MBTPS1: variants seen among roughly 807,000 people sequenced by gnomAD.
MBTPS1 encodes the protein membrane-bound transcription factor site-1 protease.
Under a neutral mutation model 127.8 loss-of-function variants are expected in MBTPS1, and 94 were observed. That is an observed-to-expected ratio of 0.74 (90% confidence interval 0.62 to 0.87). The LOEUF (loss-of-function observed/expected upper bound fraction) is 0.87. Among genes scored for constraint, MBTPS1 ranks in the 40% least tolerant of loss-of-function variants. The probability of loss-of-function intolerance (pLI) is 0.00; values close to 1 mark genes in which losing one functional copy is unlikely to be tolerated. For missense variants in MBTPS1, 1,636 were observed against 1,353.2 expected (o/e 1.21, Z -3.28); for synonymous variants, 632 against 509.4 (o/e 1.24, Z -3.24).
intron 19 of MBTPS1, 74 bp from the exon 20 acceptor site, chr16:84,060,887 G>T (rs2085600993): frequency 1.4e-6 from 2 of 1,423,246 alleles, no homozygotes; most frequent in Admixed American, 4.2e-5. Context: ...GTCACCCAGT[G>T]CAGTGGCGCA....
At chr16:84,077,234 G>GAAAAAA (rs1191331764) in intron 11 of MBTPS1, among the ~76,000 whole-genome samples, 8 of 100,274 alleles carry the variant, frequency 8.0e-5, no homozygotes, top group Non-Finnish European at 1.0e-4. Flanking sequence ...CATTAAAAAA[G>GAAAAAA]AAAAAAAAAA....
chr16:84,109,734 T>C (rs1291020021), intron 1 of MBTPS1, among the ~76,000 whole-genome samples: 1 of 152,174 alleles, frequency 6.6e-6, no homozygotes, highest in Non-Finnish European at 1.5e-5. Flanking sequence ...CCAGAGTCAG[T>C]GCAACTCATG....
chr16:84,083,459 T>C lies in MBTPS1; in HGVS notation c.1286+1524A>G, dbSNP rs1401159104. On this transcript the variant is annotated intron_variant, in intron 10 of 22. Transcript: ENST00000343411. ...GAGGAAAGAGATGGATATCTACCCC[T>C]TTTTTTTTTTTGGTAGAGATGAGGT... Among the ~76,000 whole-genome samples, 114 of 131,186 alleles carry C rather than the reference T, an allele frequency of 8.7e-4. 1 individual carries two copies. Among genetic ancestry groups the C allele is most frequent in the Admixed American group, 2.5e-3 (35 of 13,984 alleles). 86.1% of individuals were successfully genotyped at this position (131,186 alleles called of 152,430 possible).
intron 9 of MBTPS1, 105 bp from the exon 10 acceptor site, chr16:84,085,239 C>T (rs2086003407): frequency 8.8e-7 from 1 of 1,134,040 alleles, no homozygotes; most frequent in Non-Finnish European, 1.3e-6. Context: ...TAGTTAAAAA[C>T]TGTATAACCT....
At chr16:84,070,347 G>T (rs2085752097) in intron 13 of MBTPS1, among the ~76,000 whole-genome samples, 2 of 152,180 alleles carry the variant, frequency 1.3e-5, no homozygotes, top group African/African-American at 4.8e-5. Context: ...AAATCTGGTA[G>T]AAAACAGTCT....
chr16:84,090,067 C>T (rs1441780231), intron 8 of MBTPS1, among the ~76,000 whole-genome samples: 1 of 152,186 alleles, frequency 6.6e-6, no homozygotes, highest in African/African-American at 2.4e-5. Flanking sequence ...GGCTAGAGTC[C>T]TATGAATGCC....
intron 1 of MBTPS1, among the ~76,000 whole-genome samples, chr16:84,105,639 G>C (rs1412752842): frequency 6.6e-6 from 1 of 152,204 alleles, no homozygotes. Flanking sequence ...TGAGGAGGGA[G>C]GCAAGGAGGT....
intron 19 of MBTPS1, among the ~76,000 whole-genome samples, chr16:84,062,307 G>C (rs1336488576): frequency 6.6e-6 from 1 of 152,064 alleles, no homozygotes; most frequent in African/African-American, 2.4e-5. Context: ...TTTTAGTAGA[G>C]ACGCGGTTTC....
chr16:84,097,294 G>C (rs993548644), intron 3 of MBTPS1, among the ~76,000 whole-genome samples: 1 of 152,110 alleles, frequency 6.6e-6, no homozygotes, highest in African/African-American at 2.4e-5. Flanking sequence ...ACAACATCTT[G>C]AACACTCTAC....
chr16:84,065,637 A>G lies in MBTPS1; in HGVS notation c.2431+53T>C, dbSNP rs947664996. 1.6e-5 allele frequency: 19 copies of G among 1,157,218 alleles called. 1 individual carries two copies. Among genetic ancestry groups the G allele is most frequent in the Admixed American group, 6.8e-5 (4 of 58,882 alleles). The allele number at this position is 1,157,218 out of a possible 1,614,324, so 71.7% of individuals were successfully genotyped here. ...TGAGAGACAGAGAGAGAAGCGGGGG[A>G]AAAGGGAGCGAGAGAAAGAAGAAGC... On this transcript the variant is annotated intron_variant, in intron 18 of 22. Transcript: ENST00000343411.
rs7205363 is a variant in MBTPS1 at position 84,116,773 on chromosome 16, A to G, written c.-363T>C. 61,656 of 151,950 alleles carry G rather than the reference A, an allele frequency of 0.41. 12,724 individuals are homozygous for G. Among genetic ancestry groups the G allele is most frequent in the East Asian group, 0.68 (3,459 of 5,116 alleles). 9.4% of individuals were successfully genotyped at this position (151,950 alleles called of 1,614,324 possible). A position where few individuals can be genotyped will look rare whatever the true frequency, so the allele number is the denominator to read the frequency against. On this transcript the variant is annotated 5_prime_UTR_variant, in exon 1 of 23. Coordinates refer to ENST00000343411, the MANE Select transcript of MBTPS1 (RefSeq NM_003791.4). ...AGCTCAGGGCCGGCGGGCCCGGGAT[A>G]ACGGCGCCTCCGCGGCGAACACGCC...
chr16:84,085,862 A>G (rs1203342800), intron 9 of MBTPS1: 1 of 152,158 alleles, frequency 6.6e-6, no homozygotes, highest in Non-Finnish European at 1.5e-5. Context: ...ATGTAAAAAA[A>G]CCCAAACATG....
chr16:84,104,045 T>C (rs1467084146), intron 1 of MBTPS1, among the ~76,000 whole-genome samples: 1 of 152,200 alleles, frequency 6.6e-6, no homozygotes, highest in Non-Finnish European at 1.5e-5. Context: ...TTAGTTTCTT[T>C]ATGCTTGATA....
Position 84,093,775 on chromosome 16 carries a change from C to G in MBTPS1, c.672G>C (p.Lys224Asn). 1 of 1,614,026 alleles carries G rather than the reference C, an allele frequency of 6.2e-7. No homozygotes were observed. Among genetic ancestry groups the G allele is most frequent in the South Asian group, 1.1e-5 (1 of 90,976 alleles). Residue 224 changes from lysine (K) to asparagine (N), a missense_variant, in exon 5 of 23, where the codon AAG becomes AAC. Physicochemically the swap from Lys to Asn is moderately conservative, Grantham distance 94. Coordinates refer to ENST00000343411, the MANE Select transcript of MBTPS1 (RefSeq NM_003791.4). ...VAVFDTGLSE[K>N]HPHFKNVKER... ...CCTTCACATTTTTGAAGTGGGGATGCTTCTCGCTCAGCCCAGTGTCAAAAA... is the reference window on the plus strand; with the variant it reads ...CCTTCACATTTTTGAAGTGGGGATGGTTCTCGCTCAGCCCAGTGTCAAAAA...
intron 12 of MBTPS1, among the ~76,000 whole-genome samples, chr16:84,072,658 T>C (rs1425177995): frequency 1.2e-4 from 18 of 151,934 alleles, no homozygotes; most frequent in African/African-American, 3.6e-4. Flanking sequence ...GGCATGGTGG[T>C]GGGCGCCTGT....
chr16:84,101,997 C>A lies in MBTPS1; in HGVS notation c.-214G>T. The A allele has an allele frequency of 1.9e-6, 1 of 532,892 alleles. No homozygotes were observed. The highest frequency in any genetic ancestry group is 3.1e-5 in the East Asian group (1 of 32,062). The allele number at this position is 532,892 out of a possible 1,614,324, so 33.0% of individuals were successfully genotyped here. A position where few individuals can be genotyped will look rare whatever the true frequency, so the allele number is the denominator to read the frequency against. ...ATTTCTTTCTCCGCTTCTTCTCCATCTTGGAAATAAGGCTTCTCTCACTCA... is the reference window on the plus strand; with the variant it reads ...ATTTCTTTCTCCGCTTCTTCTCCATATTGGAAATAAGGCTTCTCTCACTCA... On this transcript the variant is annotated 5_prime_UTR_variant, in exon 2 of 23. Transcript: ENST00000343411.
intron 4 of MBTPS1, among the ~76,000 whole-genome samples, chr16:84,095,011 G>C (rs758733620): frequency 6.6e-6 from 1 of 152,282 alleles, no homozygotes; most frequent in African/African-American, 2.4e-5. Context: ...TGAAGGTTTG[G>C]TCATGATGAA....
rs749788142 is a variant in MBTPS1, at chr16:84,067,737, G to A, written c.2158C>T (p.Leu720Phe). 3.1e-6 allele frequency: 5 copies of A among 1,614,032 alleles called. No individual in the cohort carries two copies. The South Asian group carries it at 5.5e-5, about 18-fold the overall frequency. Residue 720 changes from leucine (L) to phenylalanine (F), a missense_variant, in exon 16 of 23, where the codon CTC becomes TTC. Transcript: ENST00000343411. ...LRRDVDNGLS[L>F]VIFSDWYNTS... ...TTGTACCAGTCACTGAAGATGACGAGCGAGAGGCCGTTGTCCACGTCCCTC... is the reference window on the plus strand; with the variant it reads ...TTGTACCAGTCACTGAAGATGACGAACGAGAGGCCGTTGTCCACGTCCCTC...
intron 10 of MBTPS1, among the ~76,000 whole-genome samples, chr16:84,083,147 G>A (rs532062788): frequency 1.3e-5 from 2 of 152,322 alleles, no homozygotes; most frequent in East Asian, 3.9e-4. Context: ...GCGTTTAGGA[G>A]AAATGAACCA....
Sources: allele counts gnomAD v4.1 joint callset (sites outside exome capture counted in the v4.1 genomes callset), GRCh38; gene constraint gnomAD v4.1.1; transcripts MANE v1.5; gene names NCBI Gene and HGNC (gene_info 2026-07-23, HGNC 2026-07-21).